The following MAP1B variants were observed in gnomAD, a reference collection of about 807,000 sequenced individuals.
The protein encoded by MAP1B is microtubule-associated protein 1B.
In MAP1B, 12 loss-of-function variants were observed where a neutral mutation model predicts 176.1. The observed-to-expected ratio is 0.07, with a 90% CI of 0.04 to 0.11. The LOEUF (loss-of-function observed/expected upper bound fraction) is 0.11, where lower values mean the gene tolerates loss of function less well. MAP1B is among the 10% of genes least tolerant of loss of function. The pLI, the probability that MAP1B is intolerant of heterozygous loss-of-function variation, is 1.00. For missense variants in MAP1B, 2,523 were observed against 2,990.5 expected, an observed-to-expected ratio of 0.84 and a Z score of 3.65; for synonymous variants, 1,044 against 1,135.0, an observed-to-expected ratio of 0.92 and a Z score of 1.61.
At chr5:72,152,563 C>G (rs1746159517) in intron 2 of MAP1B, among the ~76,000 whole-genome samples, 1 of 152,158 alleles carries the variant, frequency 6.6e-6, no homozygotes, top group Non-Finnish European at 1.5e-5. Context: ...TCTCCTGCCT[C>G]AGCCTCCTGA....
chr5:72,176,255 A>G (rs1400589532), intron 2 of MAP1B, among the ~76,000 whole-genome samples: 1 of 152,222 alleles, frequency 6.6e-6, no homozygotes, highest in Non-Finnish European at 1.5e-5. Flanking sequence ...GCGTTGGCTG[A>G]CCAGCAGCCA....
chr5:72,200,227 A>C lies in MAP1B; in HGVS notation c.6872A>C (p.Lys2291Thr). The change falls in exon 5 of 7, where the codon AAG becomes ACG. Residue 2291 changes from lysine (K) to threonine (T), a missense_variant. Lys to Thr is a moderately conservative substitution (Grantham distance 78). Coordinates refer to ENST00000296755, the MANE Select transcript of MAP1B (RefSeq NM_005909.5). Reference sequence around the variant, plus strand: ...AAAGTGTCCAGGGTGGCTTCTCCTAAGAAGAAAGAATCTGTGGAAAAGGCA... The same window carrying C: ...AAAGTGTCCAGGGTGGCTTCTCCTACGAAGAAAGAATCTGTGGAAAAGGCA... ...SDKVSRVASPKKKESVEKAAK... is the reference protein window; with the variant it reads ...SDKVSRVASPTKKESVEKAAK... 4 of 1,614,212 alleles carry C rather than the reference A, an allele frequency of 2.5e-6. No homozygotes were observed. Among genetic ancestry groups the C allele is most frequent in the Non-Finnish European group, 3.4e-6 (4 of 1,180,030 alleles).
chr5:72,108,992 C>T (rs1745240383), intron 1 of MAP1B, among the ~76,000 whole-genome samples: 1 of 152,340 alleles, frequency 6.6e-6, no homozygotes, highest in South Asian at 2.1e-4. Context: ...GTCCGCACTG[C>T]GGTCTCTACG....
At chr5:72,125,675 T>A (rs886483769) in intron 2 of MAP1B, among the ~76,000 whole-genome samples, 4 of 152,066 alleles carry the variant, frequency 2.6e-5, no homozygotes, top group South Asian at 2.1e-4. Context: ...CAGGCTATTT[T>A]AAAAAAATCT....
intron 2 of MAP1B, among the ~76,000 whole-genome samples, chr5:72,172,288 T>C (rs1266291263): frequency 6.6e-6 from 1 of 152,208 alleles, no homozygotes; most frequent in Admixed American, 6.5e-5. Flanking sequence ...CCAATGATAT[T>C]GTCCCCCTCG....
Position 72,197,978 on chromosome 5 carries a change from C to T in MAP1B, c.4623C>T (p.Asp1541=), listed in dbSNP as rs767829926. ...CTGTTGATGAGGGCGTAGCAGAAGA[C>T]ACGTACTCTCATATGGAGGGTGTGG... ...ATPVDEGVAE[D]TYSHMEGVAS... Residue 1541 remains aspartate (D), a synonymous_variant, in exon 5 of 7, where the codon GAC becomes GAT. Transcript: ENST00000296755. 6.2e-7 allele frequency: 1 copy of T among 1,614,204 alleles called. No individual in the cohort carries two copies. The highest frequency in any genetic ancestry group is 8.5e-7 in the Non-Finnish European group (1 of 1,180,042).
intron 2 of MAP1B, among the ~76,000 whole-genome samples, chr5:72,146,918 T>C (rs1227282758): frequency 6.6e-6 from 1 of 152,088 alleles, no homozygotes; most frequent in African/African-American, 2.4e-5. Context: ...GCAAGGATAC[T>C]GTCATTCACG....
In MAP1B at chr5:72,198,598, A is replaced by G; in HGVS notation, c.5243A>G (p.Asp1748Gly). 6.2e-7 allele frequency: 1 copy of G among 1,614,094 alleles called. No individual in the cohort carries two copies. Among genetic ancestry groups the G allele is most frequent in the South Asian group, 1.1e-5 (1 of 91,082 alleles). Reference sequence around the variant, plus strand: ...CAGATCGCTTCTCCTCTCCAAGAAGATACTCTATCCGATGTTGCTCCTCCC... The same window carrying G: ...CAGATCGCTTCTCCTCTCCAAGAAGGTACTCTATCCGATGTTGCTCCTCCC... ...PSQIASPLQE[D>G]TLSDVAPPRD... Residue 1748 changes from aspartate (D) to glycine (G), a missense_variant, in exon 5 of 7, where the codon GAT becomes GGT. This residue lies in a region of MAP1B where 1,925 missense variants were observed against 2,126.0 expected (regional missense o/e 0.91). Coordinates refer to ENST00000296755, the MANE Select transcript of MAP1B (RefSeq NM_005909.5).
intron 2 of MAP1B, among the ~76,000 whole-genome samples, chr5:72,136,233 C>G (rs1287195588): frequency 1.3e-5 from 2 of 152,188 alleles, no homozygotes; most frequent in African/African-American, 4.8e-5. Flanking sequence ...CTCATTTCCT[C>G]TATTCCCACC....
intron 2 of MAP1B, among the ~76,000 whole-genome samples, chr5:72,129,350 G>A (rs1377346995): frequency 2.0e-5 from 3 of 152,214 alleles, no homozygotes; most frequent in East Asian, 3.9e-4. Context: ...GAGATCAGGA[G>A]TTCAAGACCA....
Position 72,195,164 on chromosome 5 carries a change from T to C in MAP1B, c.1809T>C (p.Thr603=). 1 of 1,613,226 alleles carries C rather than the reference T, an allele frequency of 6.2e-7. No individual in the cohort carries two copies. The highest frequency in any genetic ancestry group is 8.5e-7 in the Non-Finnish European group (1 of 1,179,698). ...PIKTETKPSV[T]EKEVPSKEEP... ...AAACAGAGACCAAACCTTCAGTGAC[T>C]GAAAAGGAGGTTCCCAGCAAAGAAG... Residue 603 remains threonine, a synonymous_variant, in exon 5 of 7, where the codon ACT becomes ACC. Coordinates refer to ENST00000296755, the MANE Select transcript of MAP1B (RefSeq NM_005909.5).
chr5:72,204,956 A>G lies in MAP1B; in HGVS notation c.7252-128A>G, dbSNP rs1358027194. ...ATTGAAAAATCCTTTGCATTTCTTG[A>G]GGAAAATAGAAAAGTTTTCTCTCAT... On this transcript the variant is annotated intron_variant, in intron 6 of 6. Transcript: ENST00000296755. This position sits in a 1 kb window ranked among gnomAD's most constrained non-coding sequence, Gnocchi z 4.4. The G allele has an allele frequency of 5.0e-6, 3 of 605,854 alleles. No homozygotes were observed. The highest frequency in any genetic ancestry group is 5.5e-6 in the Non-Finnish European group (2 of 361,604). 37.5% of individuals were successfully genotyped at this position (605,854 alleles called of 1,614,324 possible). A position where few individuals can be genotyped will look rare whatever the true frequency, so the allele number is the denominator to read the frequency against.
At chr5:72,108,232 C>G (rs1745161775) in intron 1 of MAP1B, among the ~76,000 whole-genome samples, 1 of 152,210 alleles carries the variant, frequency 6.6e-6, no homozygotes, top group Admixed American at 6.5e-5. Context: ...TCAAACCTCC[C>G]GATCCTTTCT....
intron 2 of MAP1B, among the ~76,000 whole-genome samples, chr5:72,161,700 T>C (rs1236999651): frequency 1.3e-5 from 2 of 152,106 alleles, no homozygotes; most frequent in Non-Finnish European, 2.9e-5. Context: ...CTCACACCTG[T>C]AATCCCAGCA....
Position 72,198,078 on chromosome 5 carries a change from C to T in MAP1B, c.4723C>T (p.His1575Tyr). The T allele has an allele frequency of 1.2e-6, 2 of 1,614,244 alleles. No homozygotes were observed. The highest frequency in any genetic ancestry group is 1.7e-6 in the Non-Finnish European group (2 of 1,180,052). Reference sequence around the variant, plus strand: ...AACAGATGATGTGTCTCCATCTCTGCATGCTGAGGTTGGCTCCCCACATTC... The same window carrying T: ...AACAGATGATGTGTCTCCATCTCTGTATGCTGAGGTTGGCTCCCCACATTC... ...PTTDDVSPSL[H>Y]AEVGSPHSTE... Residue 1575 changes from histidine to tyrosine, a missense_variant, in exon 5 of 7, where the codon CAT becomes TAT. Transcript: ENST00000296755.
rs914054546 is a variant in MAP1B, at chr5:72,195,592, T to C, written c.2237T>C (p.Leu746Pro). 8.7e-6 allele frequency: 14 copies of C among 1,614,074 alleles called. No homozygotes were observed. The highest frequency in any genetic ancestry group is 1.2e-5 in the Non-Finnish European group (14 of 1,180,046). ...PKDAKKSSTP[L>P]SEAKKPAALK... is the part of the protein sequence containing the mutation. ...GACGCAAAGAAATCATCTACTCCTC[T>C]GTCTGAAGCAAAAAAACCAGCTGCT... Residue 746 changes from leucine (L) to proline (P), a missense_variant, in exon 5 of 7, where the codon CTG becomes CCG. By Grantham distance (98) the Leu-to-Pro change is moderately conservative (BLOSUM62 -3). This residue lies in a region of MAP1B where 1,925 missense variants were observed against 2,126.0 expected (regional missense o/e 0.91). Transcript: ENST00000296755.
chr5:72,178,201 C>T lies in MAP1B; in HGVS notation c.287-5542C>T, dbSNP rs537953625. ...TGTTTTTAGTAGAGACAGCGTTTCA[C>T]CATGTTGGCCAGGCTGGTCTCAAAC... On this transcript the variant is annotated intron_variant, in intron 2 of 6. Coordinates refer to ENST00000296755, the MANE Select transcript of MAP1B (RefSeq NM_005909.5). 7.6e-4 allele frequency among the ~76,000 whole-genome samples: 115 copies of T among 152,234 alleles called. 2 individuals are homozygous for T. Among genetic ancestry groups the T allele is most frequent in the African/African-American group, 2.6e-3 (107 of 41,544 alleles).
At chr5:72,178,647 T>G (rs935340739) in intron 2 of MAP1B, among the ~76,000 whole-genome samples, 6 of 151,812 alleles carry the variant, frequency 4.0e-5, no homozygotes, top group African/African-American at 1.5e-4. Flanking sequence ...TCATACTGAG[T>G]AGAAATCAGA....
intron 2 of MAP1B, among the ~76,000 whole-genome samples, chr5:72,125,411 A>G (rs1279519269): frequency 2.0e-5 from 3 of 152,176 alleles, no homozygotes; most frequent in East Asian, 1.9e-4. Context: ...CTTTCATTTT[A>G]TATGGTATCT....
Sources: allele counts gnomAD v4.1 joint callset (sites outside exome capture counted in the v4.1 genomes callset), GRCh38; gene constraint gnomAD v4.1.1; regional missense constraint gnomAD v4.1.1; non-coding constraint Gnocchi (gnomAD v3.1); transcripts MANE v1.5; gene names NCBI Gene and HGNC (gene_info 2026-07-23, HGNC 2026-07-21).